ELMO1: variants seen among roughly 807,000 people sequenced by gnomAD.
ELMO1 encodes engulfment and cell motility 1.
A neutral mutation model predicts 98.9 loss-of-function variants in ELMO1; 26 were observed. That is an observed-to-expected ratio of 0.26 (90% confidence interval 0.19 to 0.36). The LOEUF is 0.36. ELMO1 is among the 10% of genes least tolerant of loss of function. The pLI is 1.00. For synonymous variants in ELMO1, 346 were observed against 346.0 expected (o/e 1.00, Z 0.00); for missense variants, 627 against 935.2 (o/e 0.67, Z 4.30).
At position 36,914,516 on chromosome 7, in the gene ELMO1, C is replaced by CT. The variant is rs71734817; in HGVS notation, c.1438-19500dup. Among the ~76,000 whole-genome samples the CT allele has an allele frequency of 4.1e-3, 536 of 129,992 alleles. 2 individuals are homozygous for CT. Among genetic ancestry groups the CT allele is most frequent in the African/African-American group, 7.6e-3 (269 of 35,524 alleles). 85.3% of individuals were successfully genotyped at this position (129,992 alleles called of 152,430 possible). ...GTACTATATGAAATGAATGTACATT[C>CT]TTTTTTTTTTTTTTTTGAGACGGAG... On this transcript the variant is annotated intron_variant, in intron 16 of 21. Coordinates refer to ENST00000310758, the MANE Select transcript of ELMO1 (RefSeq NM_014800.11).
intron 16 of ELMO1, among the ~76,000 whole-genome samples, chr7:36,987,645 G>A (rs1791608469): frequency 6.6e-6 from 1 of 152,158 alleles, no homozygotes; most frequent in Non-Finnish European, 1.5e-5. Context: ...TTGAAGCCAA[G>A]CTGAACTATC....
intron 13 of ELMO1, among the ~76,000 whole-genome samples, chr7:37,187,145 G>A (rs180757804): frequency 5.9e-5 from 9 of 152,208 alleles, no homozygotes; most frequent in Non-Finnish European, 1.0e-4. Flanking sequence ...AACAAAGAAC[G>A]GATACATGAG....
At chr7:37,000,559 G>A (rs981820415) in intron 16 of ELMO1, among the ~76,000 whole-genome samples, 7 of 152,140 alleles carry the variant, frequency 4.6e-5, no homozygotes, top group East Asian at 1.9e-4. Context: ...AGATAACTTC[G>A]GGAGGTAAAG....
intron 14 of ELMO1, among the ~76,000 whole-genome samples, chr7:37,110,342 T>C (rs1035224448): frequency 2.6e-5 from 4 of 152,176 alleles, no homozygotes; most frequent in Non-Finnish European, 5.9e-5. Flanking sequence ...ACTCTCAGCT[T>C]CATCTCCAGG....
chr7:37,437,558 T>C (rs190046194), intron 1 of ELMO1, among the ~76,000 whole-genome samples: 305 of 152,364 alleles, frequency 2.0e-3, no homozygotes, highest in South Asian at 3.7e-3. Flanking sequence ...ATTGGACGTA[T>C]TGATACATGT....
At chr7:37,214,035 T>C (rs1012375211) in intron 11 of ELMO1, among the ~76,000 whole-genome samples, 2 of 152,144 alleles carry the variant, frequency 1.3e-5, no homozygotes, top group Admixed American at 6.5e-5. Context: ...TACTCACTGT[T>C]AACAATTAAA....
At chr7:37,207,239 T>G (rs1792683466) in intron 13 of ELMO1, among the ~76,000 whole-genome samples, 1 of 152,114 alleles carries the variant, frequency 6.6e-6, no homozygotes, top group Non-Finnish European at 1.5e-5. Context: ...TGCCCTTCCT[T>G]AGAAGCTCCA....
chr7:37,170,993 T>A (rs1790116454), intron 13 of ELMO1, among the ~76,000 whole-genome samples: 1 of 152,152 alleles, frequency 6.6e-6, no homozygotes, highest in Non-Finnish European at 1.5e-5. Flanking sequence ...TTAAAACTAT[T>A]TCACCAATAT....
intron 15 of ELMO1, among the ~76,000 whole-genome samples, chr7:37,091,033 C>CA (rs1336750764): frequency 6.6e-6 from 1 of 152,168 alleles, no homozygotes; most frequent in Non-Finnish European, 1.5e-5. Flanking sequence ...TCTACCTATT[C>CA]AAAAGAGAGT....
chr7:37,155,649 T>C (rs1359151383), intron 13 of ELMO1, among the ~76,000 whole-genome samples: 2 of 152,086 alleles, frequency 1.3e-5, no homozygotes, highest in Non-Finnish European at 2.9e-5. Flanking sequence ...ATGCACCCAA[T>C]ACAGGAGCAT....
intron 1 of ELMO1, among the ~76,000 whole-genome samples, chr7:37,371,483 T>C (rs937815238): frequency 2.0e-4 from 30 of 152,212 alleles, no homozygotes; most frequent in African/African-American, 7.0e-4. Flanking sequence ...GTTTTAGCTT[T>C]CATTTACTCG....
intron 16 of ELMO1, among the ~76,000 whole-genome samples, chr7:36,931,925 TTCTC>T (rs1425355768): frequency 2.6e-5 from 4 of 152,228 alleles, no homozygotes; most frequent in African/African-American, 9.6e-5. Flanking sequence ...GTGTATATCT[TTCTC>T]TCTTTAAGGA....
At chr7:36,955,584 T>C (rs1788377645) in intron 16 of ELMO1, among the ~76,000 whole-genome samples, 1 of 152,196 alleles carries the variant, frequency 6.6e-6, no homozygotes, top group Non-Finnish European at 1.5e-5. Context: ...CTCTGTAACA[T>C]CTTGGAAACA....
At chr7:37,203,714 G>A (rs908592763) in intron 13 of ELMO1, among the ~76,000 whole-genome samples, 1 of 152,168 alleles carries the variant, frequency 6.6e-6, no homozygotes, top group African/African-American at 2.4e-5. Context: ...TTGTCTGGCA[G>A]GCATTAGGAC....
intron 13 of ELMO1, among the ~76,000 whole-genome samples, chr7:37,199,029 T>G (rs1386329050): frequency 2.0e-5 from 3 of 152,222 alleles, no homozygotes; most frequent in Non-Finnish European, 2.9e-5. Context: ...ACACATGCCT[T>G]TGATAGGCGC....
intron 4 of ELMO1, among the ~76,000 whole-genome samples, chr7:37,297,288 A>G (rs1798081640): frequency 6.6e-6 from 1 of 152,230 alleles, no homozygotes; most frequent in Admixed American, 6.5e-5. Flanking sequence ...CAATTCCTGA[A>G]GCACCTGTGA....
intron 4 of ELMO1, among the ~76,000 whole-genome samples, chr7:37,289,112 G>C (rs982618603): frequency 6.6e-6 from 1 of 152,142 alleles, no homozygotes; most frequent in African/African-American, 2.4e-5. Flanking sequence ...TGCCTTGAAT[G>C]GTGCCTGGTA....
At chr7:36,935,285 G>T (rs1786423235) in intron 16 of ELMO1, among the ~76,000 whole-genome samples, 1 of 152,104 alleles carries the variant, frequency 6.6e-6, no homozygotes, top group Non-Finnish European at 1.5e-5. Context: ...TGCCATGATG[G>T]TGAGGCCTCC....
chr7:36,936,542 C>A (rs549998944), intron 16 of ELMO1, among the ~76,000 whole-genome samples: 1 of 152,284 alleles, frequency 6.6e-6, no homozygotes, highest in South Asian at 2.1e-4. Flanking sequence ...ACTGCAGCCT[C>A]CACCTCCCAG....
Sources: allele counts gnomAD v4.1 joint callset (sites outside exome capture counted in the v4.1 genomes callset), GRCh38; gene constraint gnomAD v4.1.1; transcripts MANE v1.5; gene names NCBI Gene and HGNC (gene_info 2026-07-23, HGNC 2026-07-21).